The following RUNX1T1 variants were observed in gnomAD, a reference collection of about 807,000 sequenced individuals.
The protein encoded by RUNX1T1 is RUNX1 partner transcriptional co-repressor 1.
In RUNX1T1, 4 loss-of-function variants were observed where a neutral mutation model predicts 62.8. The observed-to-expected ratio is 0.06, with a 90% CI of 0.03 to 0.15. The LOEUF (loss-of-function observed/expected upper bound fraction) is 0.15, where lower values mean the gene tolerates loss of function less well. RUNX1T1 is among the 10% of genes least tolerant of loss of function. RUNX1T1 has a pLI of 1.00. For synonymous variants in RUNX1T1, 291 were observed against 286.0 expected, an observed-to-expected ratio of 1.02 and a Z score of -0.18; for missense variants, 508 against 754.3, an observed-to-expected ratio of 0.67 and a Z score of 3.82.
In RUNX1T1 at chr8:92,005,302, A is replaced by C; in HGVS notation, c.478-5T>G. On this transcript the variant is annotated splice_region_variant and splice_polypyrimidine_tract_variant and intron_variant, in intron 4 of 10. Transcript: ENST00000396218. ...CTGCAGCAGGGGCAAGTTGGCCTGC[A>C]AGGGAATGACAGGAATGAGAGGACG... 6.2e-7 allele frequency: 1 copy of C among 1,610,104 alleles called. No homozygotes were observed. Among genetic ancestry groups the C allele is most frequent in the South Asian group, 1.1e-5 (1 of 90,332 alleles).
At chr8:92,043,952 T>G (rs1398904652) in intron 1 of RUNX1T1, among the ~76,000 whole-genome samples, 2 of 137,508 alleles carry the variant, frequency 1.5e-5, no homozygotes, top group African/African-American at 5.5e-5. Flanking sequence ...CACTCCAGCC[T>G]GGGCAACAAG....
intron 1 of RUNX1T1, among the ~76,000 whole-genome samples, chr8:92,078,776 A>C (rs1834803024): frequency 6.6e-6 from 1 of 152,228 alleles, no homozygotes; most frequent in African/African-American, 2.4e-5. Flanking sequence ...AACCAGATGC[A>C]GACAGAAAAC....
At chr8:91,980,630 A>G (rs1230794308) in intron 8 of RUNX1T1, among the ~76,000 whole-genome samples, 1 of 152,158 alleles carries the variant, frequency 6.6e-6, no homozygotes, top group Non-Finnish European at 1.5e-5. Context: ...AGTTTCATTT[A>G]CCACTATTCT....
rs141168320 is a variant in RUNX1T1 at position 92,092,543 on chromosome 8, G to A, written c.-86+7037C>T. Among the ~76,000 whole-genome samples the A allele has an allele frequency of 8.6e-3, 1,303 of 152,196 alleles. 24 individuals carry two copies. Among genetic ancestry groups the A allele is most frequent in the African/African-American group, 0.029 (1,212 of 41,530 alleles). ...GTATATTAAAGGTAAAATAAATCTC[G>A]GAATGCTCAGTATGCAAGAACAGTG... On this transcript the variant is annotated intron_variant, in intron 1 of 11. Coordinates refer to the RUNX1T1 transcript ENST00000265814.
chr8:92,097,169 AC>A (rs1837815822), intron 1 of RUNX1T1, among the ~76,000 whole-genome samples: 1 of 152,172 alleles, frequency 6.6e-6, no homozygotes, highest in Non-Finnish European at 1.5e-5. Flanking sequence ...AACGTGGAAA[AC>A]CTCATGGTAT....
At chr8:91,963,543 T>C (rs900337878) in intron 10 of RUNX1T1, among the ~76,000 whole-genome samples, 1 of 152,216 alleles carries the variant, frequency 6.6e-6, no homozygotes, top group Non-Finnish European at 1.5e-5. Context: ...GGCTAATCCA[T>C]ACCTGCAAGA....
intron 6 of RUNX1T1, among the ~76,000 whole-genome samples, chr8:91,989,800 G>C (rs1200181317): frequency 1.3e-5 from 2 of 152,060 alleles, no homozygotes; most frequent in Admixed American, 1.3e-4. Context: ...TTTGATTTTG[G>C]GGTTAAAATA....
chr8:92,100,540 C>G (rs1837987505), upstream of RUNX1T1, among the ~76,000 whole-genome samples: 2 of 152,140 alleles, frequency 1.3e-5, no homozygotes, highest in South Asian at 4.1e-4. Context: ...AAATAATAAA[C>G]CAACAAAATA....
intron 1 of RUNX1T1, among the ~76,000 whole-genome samples, chr8:92,079,476 A>T (rs1267443484): frequency 1.3e-5 from 2 of 152,174 alleles, no homozygotes; most frequent in Non-Finnish European, 2.9e-5. Flanking sequence ...ACAGAGCACC[A>T]TCTATGCCTC....
intron 9 of RUNX1T1, among the ~76,000 whole-genome samples, chr8:91,973,639 A>T (rs1311292077): frequency 6.6e-6 from 1 of 152,218 alleles, no homozygotes; most frequent in African/African-American, 2.4e-5. Context: ...GCCCATAGCC[A>T]ATTTTAGAAA....
intron 1 of RUNX1T1, among the ~76,000 whole-genome samples, chr8:92,044,586 C>T (rs1249557351): frequency 1.3e-5 from 2 of 152,220 alleles, no homozygotes; most frequent in African/African-American, 4.8e-5. Flanking sequence ...CTTCACATCT[C>T]CATGCCTGCA....
At chr8:92,039,131 A>C (rs1034332953) in intron 1 of RUNX1T1, among the ~76,000 whole-genome samples, 1 of 150,022 alleles carries the variant, frequency 6.7e-6, no homozygotes, top group Non-Finnish European at 1.5e-5. Context: ...TCCAAAAGGC[A>C]ATTTTTGTTG....
intron 5 of RUNX1T1, among the ~76,000 whole-genome samples, chr8:91,999,749 T>G (rs1819404839): frequency 6.6e-6 from 1 of 152,194 alleles, no homozygotes; most frequent in African/African-American, 2.4e-5. Flanking sequence ...TAGTAACCAT[T>G]ATTATATTAT....
At chr8:91,992,688 C>T (rs1817908782) in intron 5 of RUNX1T1, among the ~76,000 whole-genome samples, 1 of 152,078 alleles carries the variant, frequency 6.6e-6, no homozygotes, top group Admixed American at 6.5e-5. Context: ...CTAGGTCAAC[C>T]CCCTTATTTT....
chr8:92,057,019 A>G (rs1388488931), intron 1 of RUNX1T1, among the ~76,000 whole-genome samples: 1 of 152,126 alleles, frequency 6.6e-6, no homozygotes, highest in African/African-American at 2.4e-5. Flanking sequence ...TATGATTTCT[A>G]TTAGGCTTTT....
exon 11 of RUNX1T1, chr8:91,959,829 T>G: frequency 3.6e-6 from 1 of 280,878 alleles, no homozygotes; most frequent in Non-Finnish European, 6.9e-6. Flanking sequence ...ATAAAGAACA[T>G]TGTGACTTTT....
intron 9 of RUNX1T1, among the ~76,000 whole-genome samples, chr8:91,975,312 G>A (rs1004040977): frequency 2.6e-5 from 4 of 152,168 alleles, no homozygotes; most frequent in African/African-American, 7.2e-5. Context: ...AAAGCAGATA[G>A]TGTATATGAA....
intron 1 of RUNX1T1, among the ~76,000 whole-genome samples, chr8:92,054,469 G>A (rs1830716806): frequency 6.6e-6 from 1 of 152,082 alleles, no homozygotes; most frequent in South Asian, 2.1e-4. Flanking sequence ...CTTTATACAG[G>A]TACACAGCAT....
chr8:92,020,695 T>C (rs1823910072), intron 1 of RUNX1T1, among the ~76,000 whole-genome samples: 1 of 152,144 alleles, frequency 6.6e-6, no homozygotes. Context: ...ATGGCAAATA[T>C]CCAACACATA....
Sources: gnomAD v4.1 joint callset for allele counts (sites outside exome capture counted in the v4.1 genomes callset) on GRCh38, gnomAD v4.1.1 for gene constraint, MANE v1.5 for transcripts, NCBI Gene and HGNC (gene_info 2026-07-23, HGNC 2026-07-21) for gene names.